Variants in AKAP6 observed in about 807,000 individuals in gnomAD.
AKAP6 encodes the protein A-kinase anchor protein 6.
Under a neutral mutation model 188.5 loss-of-function variants are expected in AKAP6, and 58 were observed. The observed-to-expected ratio is 0.31, with a 90% CI of 0.25 to 0.38. AKAP6 has a LOEUF of 0.38. Ranked by LOEUF, AKAP6 falls within the 10% of genes least tolerant of loss-of-function variation. AKAP6 has a pLI of 1.00. For synonymous variants in AKAP6, 989 were observed against 998.6 expected (o/e 0.99, Z 0.18); for missense variants, 2,710 against 2,740.0 (o/e 0.99, Z 0.24).
intron 1 of AKAP6, among the ~76,000 whole-genome samples, chr14:32,352,134 T>A (rs113941353): frequency 6.0e-4 from 86 of 142,648 alleles, no homozygotes; most frequent in African/African-American, 2.2e-3. Context: ...TGTGTGTGTG[T>A]GAAGGGGGTG....
chr14:32,447,034 C>T (rs1350642708), intron 2 of AKAP6, among the ~76,000 whole-genome samples: 1 of 152,106 alleles, frequency 6.6e-6, no homozygotes, highest in Non-Finnish European at 1.5e-5. Flanking sequence ...GTTATGACCC[C>T]AGCTAGGCAT....
intron 2 of AKAP6, among the ~76,000 whole-genome samples, chr14:32,463,335 A>G (rs1891416366): frequency 6.6e-6 from 1 of 152,178 alleles, no homozygotes; most frequent in Admixed American, 6.5e-5. Flanking sequence ...TCTAAAATCA[A>G]CCGCATAACT....
chr14:32,612,348 A>G (rs1007279595), intron 7 of AKAP6, among the ~76,000 whole-genome samples: 19 of 152,152 alleles, frequency 1.2e-4, no homozygotes, highest in Admixed American at 2.0e-4. Context: ...CAGCTTTAAA[A>G]TGTATTTTAG....
chr14:32,454,303 C>A (rs1437073409), intron 2 of AKAP6, among the ~76,000 whole-genome samples: 1 of 152,124 alleles, frequency 6.6e-6, no homozygotes, highest in African/African-American at 2.4e-5. Flanking sequence ...TATTTCTTTG[C>A]ATCTAGGTCT....
intron 7 of AKAP6, among the ~76,000 whole-genome samples, chr14:32,651,753 G>A (rs575266072): frequency 6.6e-6 from 1 of 152,268 alleles, no homozygotes; most frequent in East Asian, 1.9e-4. Context: ...GCATTGGGGA[G>A]TAAGTTTCAG....
rs561351486 is a variant in AKAP6, at chr14:32,413,447, G to A, written c.-34-20013G>A. On this transcript the variant is annotated intron_variant, in intron 1 of 13. Coordinates refer to ENST00000280979, the MANE Select transcript of AKAP6 (RefSeq NM_004274.5). Reference sequence around the variant, plus strand: ...ATCTCCTGCCTTTGTCTTCCAAAGCGCTGGGGTTATAGGCACGAGCCACTG... The same window carrying A: ...ATCTCCTGCCTTTGTCTTCCAAAGCACTGGGGTTATAGGCACGAGCCACTG... Among the ~76,000 whole-genome samples the A allele has an allele frequency of 4.0e-4, 61 of 152,142 alleles. 1 individual carries two copies. The highest frequency in any genetic ancestry group is 6.8e-3 in the Middle Eastern group (2 of 294).
intron 2 of AKAP6, among the ~76,000 whole-genome samples, chr14:32,499,776 A>G (rs1372902214): frequency 1.3e-5 from 2 of 152,014 alleles, no homozygotes; most frequent in East Asian, 3.9e-4. Context: ...TAATTTTTCA[A>G]TCATTAATCA....
chr14:32,729,862 A>G (rs2031086935), intron 9 of AKAP6, among the ~76,000 whole-genome samples: 2 of 152,128 alleles, frequency 1.3e-5, no homozygotes, highest in Admixed American at 6.5e-5. Context: ...TCCCCAGACT[A>G]CAGGACACAA....
chr14:32,512,197 G>A (rs1262247261), intron 2 of AKAP6, among the ~76,000 whole-genome samples: 1 of 151,896 alleles, frequency 6.6e-6, no homozygotes, highest in Non-Finnish European at 1.5e-5. Context: ...AATGACTTGA[G>A]GTTTGGTTGA....
At chr14:32,520,068 A>C (rs1309079057) in intron 2 of AKAP6, among the ~76,000 whole-genome samples, 2 of 152,236 alleles carry the variant, frequency 1.3e-5, no homozygotes, top group African/African-American at 4.8e-5. Flanking sequence ...AACTACATGG[A>C]AACTGAATAA....
intron 9 of AKAP6, among the ~76,000 whole-genome samples, chr14:32,709,513 G>T (rs543511809): frequency 6.6e-6 from 1 of 152,082 alleles, no homozygotes; most frequent in East Asian, 1.9e-4. Context: ...AAGAGATTTT[G>T]TACAGTTATT....
chr14:32,594,992 A>C (rs1366785667), intron 5 of AKAP6, among the ~76,000 whole-genome samples: 1 of 152,170 alleles, frequency 6.6e-6, no homozygotes, highest in Non-Finnish European at 1.5e-5. Flanking sequence ...TCTCTCACGC[A>C]CTGAGAAAAA....
intron 12 of AKAP6, among the ~76,000 whole-genome samples, chr14:32,792,961 T>C (rs1249455359): frequency 6.6e-6 from 1 of 152,198 alleles, no homozygotes; most frequent in Non-Finnish European, 1.5e-5. Flanking sequence ...AAGATTCTTT[T>C]CAGGCAAGCA....
At position 32,786,296 on chromosome 14, in the gene AKAP6, A is replaced by ATTTTTTTTTTTTTT; in HGVS notation, c.3588+12404_3588+12405insTTTTTTTTTTTTTT. On this transcript the variant is annotated intron_variant, in intron 12 of 13. Coordinates refer to ENST00000280979, the MANE Select transcript of AKAP6 (RefSeq NM_004274.5). ...AGCCCTCTGAAAGACCTAAACCTTT[A>ATTTTTTTTTTTTTT]TCTTTTTTTTTTTTTTTTTTTTTTT... is the stretch of plus-strand genomic sequence containing the variant. Among the ~76,000 whole-genome samples, 14 of 93,700 alleles carry ATTTTTTTTTTTTTT rather than the reference A, an allele frequency of 1.5e-4. 1 individual carries two copies. Among genetic ancestry groups the ATTTTTTTTTTTTTT allele is most frequent in the South Asian group, 7.4e-4 (2 of 2,696 alleles). 61.5% of individuals were successfully genotyped at this position (93,700 alleles called of 152,430 possible).
chr14:32,576,627 T>G (rs1242120067), intron 4 of AKAP6, among the ~76,000 whole-genome samples: 1 of 152,156 alleles, frequency 6.6e-6, no homozygotes, highest in Non-Finnish European at 1.5e-5. Flanking sequence ...TAAATACTTA[T>G]GTAATTTTGA....
chr14:32,572,226 G>T (rs1391809007), intron 4 of AKAP6, among the ~76,000 whole-genome samples: 1 of 152,190 alleles, frequency 6.6e-6, no homozygotes, highest in African/African-American at 2.4e-5. Flanking sequence ...CTGATCCTCA[G>T]TTTCCTCATC....
chr14:32,599,145 A>G (rs796230502), intron 5 of AKAP6, among the ~76,000 whole-genome samples: 39 of 152,312 alleles, frequency 2.6e-4, no homozygotes, highest in African/African-American at 8.9e-4. Flanking sequence ...TACTCTTGAT[A>G]TAGCCTACGG....
chr14:32,437,031 G>A (rs1038461601), intron 2 of AKAP6, among the ~76,000 whole-genome samples: 6 of 152,212 alleles, frequency 3.9e-5, no homozygotes, highest in African/African-American at 1.4e-4. Flanking sequence ...GCTCTTGGCT[G>A]TTCCTCTGAT....
At chr14:32,617,955 A>G (rs557901819) in intron 7 of AKAP6, among the ~76,000 whole-genome samples, 1 of 152,038 alleles carries the variant, frequency 6.6e-6, no homozygotes, top group South Asian at 2.1e-4. Context: ...TTAGTTCTTT[A>G]AGCGTTTGTT....
Sources: allele counts gnomAD v4.1 joint callset (sites outside exome capture counted in the v4.1 genomes callset), GRCh38; gene constraint gnomAD v4.1.1; transcripts MANE v1.5; gene names NCBI Gene and HGNC (gene_info 2026-07-23, HGNC 2026-07-21).